Variants in MYH9 observed in about 807,000 individuals in gnomAD.
The protein encoded by MYH9 is myosin heavy chain 9.
MYH9 carries 29 observed loss-of-function variants against 241.9 expected under a neutral mutation model. The ratio of observed to expected loss-of-function variants is 0.12; its 90% CI spans 0.09 to 0.16. The LOEUF is 0.16. Among genes scored for constraint, MYH9 ranks in the 10% least tolerant of loss-of-function variants. The pLI, the probability that MYH9 is intolerant of heterozygous loss-of-function variation, is 1.00. For missense variants in MYH9, 1,803 were observed against 2,595.5 expected, an observed-to-expected ratio of 0.69 and a Z score of 6.63; for synonymous variants, 1,047 against 1,062.6, an observed-to-expected ratio of 0.99 and a Z score of 0.29.
intron 1 of MYH9, among the ~76,000 whole-genome samples, chr22:36,365,615 C>T (rs1001804648): frequency 3.3e-5 from 5 of 152,214 alleles, no homozygotes; most frequent in African/African-American, 1.2e-4. Flanking sequence ...CATGCACCAC[C>T]GTACCCAGCT....
chr22:36,383,350 G>A (rs888249081), intron 1 of MYH9, among the ~76,000 whole-genome samples: 54 of 152,316 alleles, frequency 3.5e-4, no homozygotes, highest in African/African-American at 1.3e-3. Context: ...CCAGACCACA[G>A]GAAACCATGT....
chr22:36,306,750 C>T lies in MYH9; in HGVS notation c.1844-143G>A. ...CAACAGGACCCTTTCCAATTGGAGC[C>T]TACACTGGGTGCTAAGGTCATCCCC... On this transcript the variant is annotated intron_variant, in intron 15 of 40. Coordinates refer to ENST00000216181, the MANE Select transcript of MYH9 (RefSeq NM_002473.6). The surrounding 1 kb of genome is among the most constrained non-coding windows in gnomAD (Gnocchi z 4.1). 1.1e-6 allele frequency: 1 copy of T among 887,500 alleles called. No homozygotes were observed. Among genetic ancestry groups the T allele is most frequent in the African/African-American group, 1.6e-5 (1 of 60,632 alleles). The allele number at this position is 887,500 out of a possible 1,614,324, so 55.0% of individuals were successfully genotyped here.
Position 36,295,219 on chromosome 22 carries a change from T to C in MYH9, c.3486-143A>G, listed in dbSNP as rs1431505617. On this transcript the variant is annotated intron_variant, in intron 26 of 40. Coordinates refer to ENST00000216181, the MANE Select transcript of MYH9 (RefSeq NM_002473.6). This position sits in a 1 kb window ranked among gnomAD's most constrained non-coding sequence, Gnocchi z 4.1. ...TCTACCCACCGGCCCCTCCTAGCCA[T>C]CTATCCCATAGCCCAGGCTCAAATA... is the stretch of plus-strand genomic sequence containing the variant. 3.0e-5 allele frequency: 34 copies of C among 1,138,218 alleles called. No homozygotes were observed. The East Asian group carries it at 7.8e-4, about 26-fold the overall frequency. 70.5% of individuals were successfully genotyped at this position (1,138,218 alleles called of 1,614,324 possible). A position where few individuals can be genotyped will look rare whatever the true frequency, so the allele number is the denominator to read the frequency against.
intron 1 of MYH9, among the ~76,000 whole-genome samples, chr22:36,360,727 G>A (rs2017924723): frequency 6.7e-6 from 1 of 149,624 alleles, no homozygotes; most frequent in Admixed American, 6.6e-5. Context: ...AAAAAAAAAA[G>A]AAAGAAAAAG....
At chr22:36,382,348 G>A (rs1171475548) in intron 1 of MYH9, among the ~76,000 whole-genome samples, 3 of 151,408 alleles carry the variant, frequency 2.0e-5, no homozygotes, top group African/African-American at 2.4e-5. Flanking sequence ...GGTGGCAGGC[G>A]CCTGTAATCC....
Position 36,329,764 on chromosome 22 carries a change from C to T in MYH9, c.491-2276G>A, listed in dbSNP as rs575004577. The stretch of plus-strand genomic sequence containing the variant: ...CCCCAAACACACTCGAGGGCATGCA[C>T]ACAGAGGCGCACGCACGCACAAGGG... On this transcript the variant is annotated intron_variant, in intron 3 of 40. Coordinates refer to ENST00000216181, the MANE Select transcript of MYH9 (RefSeq NM_002473.6). The surrounding 1 kb of genome is among the most constrained non-coding windows in gnomAD (Gnocchi z 4.1). Among the ~76,000 whole-genome samples the T allele has an allele frequency of 4.1e-4, 62 of 152,316 alleles. 2 individuals are homozygous for T. The highest frequency in any genetic ancestry group is 1.1e-3 in the Admixed American group (17 of 15,306).
At chr22:36,380,267 A>G (rs2146426539) in intron 1 of MYH9, among the ~76,000 whole-genome samples, 1 of 152,296 alleles carries the variant, frequency 6.6e-6, no homozygotes, top group South Asian at 2.1e-4. Flanking sequence ...AAAGACAGCC[A>G]TCCTTGAGAA....
Position 36,305,225 on chromosome 22 carries a change from TCTC to T in MYH9, c.2160-126_2160-124del. On this transcript the variant is annotated intron_variant, in intron 17 of 40. Coordinates refer to ENST00000216181, the MANE Select transcript of MYH9 (RefSeq NM_002473.6). This position sits in a 1 kb window ranked among gnomAD's most constrained non-coding sequence, Gnocchi z 4.7. ...CAGACACAGAATTCTTTACACAAACTCTCCTAAGGAAAGAAGACACAGGCAAAT... is the reference window on the plus strand; with the variant it reads ...CAGACACAGAATTCTTTACACAAACTCTAAGGAAAGAAGACACAGGCAAAT... 1.1e-6 allele frequency: 1 copy of T among 883,282 alleles called. No homozygotes were observed. The highest frequency in any genetic ancestry group is 1.4e-5 in the South Asian group (1 of 71,442). The allele number at this position is 883,282 out of a possible 1,614,324, so 54.7% of individuals were successfully genotyped here.
intron 3 of MYH9, among the ~76,000 whole-genome samples, chr22:36,335,287 G>A (rs773440743): frequency 6.6e-6 from 1 of 152,236 alleles, no homozygotes; most frequent in Non-Finnish European, 1.5e-5. Flanking sequence ...AGACCAGCAG[G>A]TGCAGACACA....
At chr22:36,344,148 T>G (rs1002303586) in intron 2 of MYH9, among the ~76,000 whole-genome samples, 2 of 152,238 alleles carry the variant, frequency 1.3e-5, no homozygotes, top group Admixed American at 1.3e-4. Flanking sequence ...GAAAGAGCAC[T>G]GAGGCTCAGG....
At chr22:36,341,170 T>C (rs1312241971) in intron 3 of MYH9, among the ~76,000 whole-genome samples, 200 bp downstream of exon 3, 1 of 152,202 alleles carries the variant, frequency 6.6e-6, no homozygotes, top group Non-Finnish European at 1.5e-5. Context: ...TTCTAGAACA[T>C]TCTATCAACA....
Position 36,288,923 on chromosome 22 carries a change from T to G in MYH9, c.4574A>C (p.Lys1525Thr). 1 of 1,613,970 alleles carries G rather than the reference T, an allele frequency of 6.2e-7. No homozygotes were observed. The highest frequency in any genetic ancestry group is 8.5e-7 in the Non-Finnish European group (1 of 1,180,030). ...DVGKSVHELE[K>T]SKRALEQQVE... Reference sequence around the variant, plus strand: ...CTGCTGCTCTAGGGCCCGCTTGGACTTCTCCAGCTCGTGGACCTGAGCCCC... The same window carrying G: ...CTGCTGCTCTAGGGCCCGCTTGGACGTCTCCAGCTCGTGGACCTGAGCCCC... The change falls in exon 33 of 41, where the codon AAG becomes ACG. Residue 1525 changes from lysine (K) to threonine (T), a missense_variant. Lys to Thr is a moderately conservative substitution (Grantham distance 78, BLOSUM62 -1). This residue lies in a region of MYH9 where 876 missense variants were observed against 1,077.8 expected (regional missense o/e 0.81). Coordinates refer to ENST00000216181, the MANE Select transcript of MYH9 (RefSeq NM_002473.6). The surrounding 1 kb of genome is among the most constrained non-coding windows in gnomAD (Gnocchi z 4.8).
chr22:36,345,219 G>A (rs1603483949), intron 2 of MYH9, among the ~76,000 whole-genome samples: 1 of 151,440 alleles, frequency 6.6e-6, no homozygotes, highest in Admixed American at 6.6e-5. Flanking sequence ...GGCTGAGGCA[G>A]GAGAATGGCG....
At chr22:36,374,391 G>A (rs969767230) in intron 1 of MYH9, among the ~76,000 whole-genome samples, 2 of 152,194 alleles carry the variant, frequency 1.3e-5, no homozygotes, top group Non-Finnish European at 1.5e-5. Flanking sequence ...ATGGCGGCAC[G>A]CGCCTGTAAT....
At chr22:36,302,070 T>A (rs1477836289) in intron 20 of MYH9, among the ~76,000 whole-genome samples, 1 of 152,162 alleles carries the variant, frequency 6.6e-6, no homozygotes, top group Non-Finnish European at 1.5e-5. Context: ...CAAACTCAGC[T>A]ATGGAAGAAT....
In MYH9 at chr22:36,295,474, C is replaced by A. The variant is rs761936145; in HGVS notation, c.3485+31G>T. On this transcript the variant is annotated intron_variant, in intron 26 of 40. Coordinates refer to ENST00000216181, the MANE Select transcript of MYH9 (RefSeq NM_002473.6). The surrounding 1 kb of genome is among the most constrained non-coding windows in gnomAD (Gnocchi z 4.1). ...GCCAAGGCCCCCCTGGCTGCCCTCC[C>A]CATCCCGAGGGACTTGGTCCCAGGG... 6.3e-6 allele frequency: 10 copies of A among 1,599,762 alleles called. No individual in the cohort carries two copies. In the South Asian group the frequency reaches 1.1e-4, roughly 18 times the overall value.
intron 1 of MYH9, among the ~76,000 whole-genome samples, chr22:36,358,513 T>G (rs2146403293): frequency 6.6e-6 from 1 of 152,080 alleles, no homozygotes; most frequent in Admixed American, 6.5e-5. Context: ...TTTAAACACC[T>G]ACCAACGAGC....
At position 36,282,146 on chromosome 22, in the gene MYH9, G is replaced by A. The variant is rs1569534549; in HGVS notation, c.*522C>T. On this transcript the variant is annotated 3_prime_UTR_variant, in exon 41 of 41. Transcript: ENST00000216181. The stretch of plus-strand genomic sequence containing the variant: ...GCCTGCTCCTTCTGGACCGCCCAGA[G>A]CCATGGGAGTGGGAGGCCCAAGGGG... The A allele has an allele frequency of 3.4e-6, 1 of 290,578 alleles. No individual in the cohort carries two copies. Among genetic ancestry groups the A allele is most frequent in the East Asian group, 5.1e-5 (1 of 19,494 alleles). The allele number at this position is 290,578 out of a possible 1,614,324, so 18.0% of individuals were successfully genotyped here.
At chr22:36,370,969 T>C (rs1394906654) in intron 1 of MYH9, among the ~76,000 whole-genome samples, 9 of 152,140 alleles carry the variant, frequency 5.9e-5, no homozygotes, top group Admixed American at 5.9e-4. Flanking sequence ...CACTAACAGA[T>C]AGTTCTATGA....
Sources: gnomAD v4.1 joint callset for allele counts (sites outside exome capture counted in the v4.1 genomes callset) on GRCh38, gnomAD v4.1.1 for gene constraint, gnomAD v4.1.1 regional missense constraint, Gnocchi (gnomAD v3.1) non-coding constraint, MANE v1.5 for transcripts, NCBI Gene and HGNC (gene_info 2026-07-23, HGNC 2026-07-21) for gene names.